Variants in DPP8 observed in about 807,000 individuals in gnomAD.
The protein encoded by DPP8 is DPP VIII.
A neutral mutation model predicts 107.5 loss-of-function variants in DPP8; 31 were observed. That is an observed-to-expected ratio of 0.29 (90% confidence interval 0.22 to 0.39). DPP8 has a LOEUF of 0.39. DPP8 is among the 10% of genes least tolerant of loss of function. The probability of loss-of-function intolerance (pLI) is 1.00; values close to 1 mark genes in which losing one functional copy is unlikely to be tolerated. For missense variants in DPP8, 842 were observed against 1,076.1 expected, an observed-to-expected ratio of 0.78 and a Z score of 3.04; for synonymous variants, 381 against 356.6, an observed-to-expected ratio of 1.07 and a Z score of -0.77.
At chr15:65,450,875 T>A in intron 19 of DPP8, 124 bp downstream of exon 19, 1 of 628,456 alleles carries the variant, frequency 1.6e-6, no homozygotes, top group Non-Finnish European at 2.8e-6. Context: ...TGCCTCTTAC[T>A]TTAGTTCTCT....
At chr15:65,487,665 T>C (rs1042855175) in intron 7 of DPP8, 25 bp downstream of exon 7, 3 of 1,590,912 alleles carry the variant, frequency 1.9e-6, no homozygotes, top group Non-Finnish European at 8.5e-7. Context: ...AATGAGTGAA[T>C]ATAAATGCCA....
In DPP8 at chr15:65,499,369, A is replaced by C. The variant is rs1164815206; in HGVS notation, c.546+1237T>G. 2.6e-5 allele frequency among the ~76,000 whole-genome samples: 4 copies of C among 151,812 alleles called. No homozygotes were observed. In the East Asian group the frequency reaches 7.7e-4, roughly 29 times the overall value. ...TGCTTCAGCCTCCCGAGTAGCTAGG[A>C]CTACAGGTGCGCCTGCCTAATTTTT... is the stretch of plus-strand genomic sequence containing the variant. On this transcript the variant is annotated intron_variant, in intron 4 of 19. Coordinates refer to ENST00000300141, the MANE Select transcript of DPP8 (RefSeq NM_130434.5).
intron 8 of DPP8, among the ~76,000 whole-genome samples, chr15:65,482,404 C>G (rs1441372947): frequency 6.6e-6 from 1 of 152,012 alleles, no homozygotes; most frequent in Non-Finnish European, 1.5e-5. Flanking sequence ...GCCTCAGCCT[C>G]CCGAGTAGCT....
Position 65,446,823 on chromosome 15 carries a change from T to G in DPP8, c.*61A>C. Reference sequence around the variant, plus strand: ...TGATCAATTCTGTGTTTTCTGTTGATTAAACCTCCTCATTTGGTTAAATAG... The same window carrying G: ...TGATCAATTCTGTGTTTTCTGTTGAGTAAACCTCCTCATTTGGTTAAATAG... On this transcript the variant is annotated 3_prime_UTR_variant, in exon 20 of 20. Transcript: ENST00000300141. 2.0e-6 allele frequency: 3 copies of G among 1,500,576 alleles called. No homozygotes were observed. Among genetic ancestry groups the G allele is most frequent in the Non-Finnish European group, 2.7e-6 (3 of 1,116,382 alleles). 93.0% of individuals were successfully genotyped at this position (1,500,576 alleles called of 1,614,324 possible).
chr15:65,514,554 G>C (rs1440531407), intron 1 of DPP8, among the ~76,000 whole-genome samples: 1 of 152,114 alleles, frequency 6.6e-6, no homozygotes, highest in Non-Finnish European at 1.5e-5. Context: ...TGTCACCCAG[G>C]GTAGAGTGCA....
chr15:65,516,187 TA>T (rs1236506090), intron 1 of DPP8: 2 of 166,878 alleles, frequency 1.2e-5, no homozygotes, highest in African/African-American at 4.7e-5. Context: ...CTCTTTTACA[TA>T]ATAATGTCAT....
At chr15:65,485,544 C>CAAA (rs56940292) in intron 7 of DPP8, among the ~76,000 whole-genome samples, 2 of 61,232 alleles carry the variant, frequency 3.3e-5, no homozygotes, top group Non-Finnish European at 6.7e-5. Flanking sequence ...GACTCCATCT[C>CAAA]AAAAAAAAAA....
rs1365744773 is a variant in DPP8 at position 65,444,380 on chromosome 15, G to A, written c.*2504C>T. ...ACACATTTATCAAGTCTTTAAAAAC[G>A]TAGTATGATATTTAACCTAGTGCTT... On this transcript the variant is annotated 3_prime_UTR_variant, in exon 20 of 20. Transcript: ENST00000300141. 5.9e-5 allele frequency: 9 copies of A among 152,148 alleles called. 1 individual carries two copies. In the East Asian group the frequency reaches 1.4e-3, roughly 23 times the overall value. The allele number at this position is 152,148 out of a possible 1,614,324, so 9.4% of individuals were successfully genotyped here.
At position 65,506,003 on chromosome 15, in the gene DPP8, A is replaced by G. The variant is rs143324709; in HGVS notation, c.372+1240T>C. Among the ~76,000 whole-genome samples, 3 of 148,566 alleles carry G rather than the reference A, an allele frequency of 2.0e-5. No individual in the cohort carries two copies. In the East Asian group the frequency reaches 5.9e-4, roughly 29 times the overall value. ...TAAAAGTTTTTTTTTTTTAATTTCT[A>G]TGAGAAACAGCACATTCATGTTATT... On this transcript the variant is annotated intron_variant, in intron 3 of 19. Coordinates refer to ENST00000300141, the MANE Select transcript of DPP8 (RefSeq NM_130434.5).
intron 12 of DPP8, among the ~76,000 whole-genome samples, chr15:65,467,849 G>C (rs775995548): frequency 6.6e-6 from 1 of 152,144 alleles, no homozygotes; most frequent in Non-Finnish European, 1.5e-5. Flanking sequence ...CTATATTGCA[G>C]CTTAGGGCAA....
intron 1 of DPP8, among the ~76,000 whole-genome samples, chr15:65,514,153 GAA>G (rs1156681561): frequency 1.3e-5 from 2 of 152,218 alleles, no homozygotes; most frequent in Non-Finnish European, 2.9e-5. Flanking sequence ...GCATGCCAAA[GAA>G]CTGAATGAAG....
chr15:65,506,112 A>C (rs1253036343), intron 3 of DPP8, among the ~76,000 whole-genome samples: 1 of 150,790 alleles, frequency 6.6e-6, no homozygotes. Flanking sequence ...CAGGCAGATC[A>C]CGAGGTCAGG....
intron 19 of DPP8, among the ~76,000 whole-genome samples, chr15:65,449,376 G>C (rs2063799536): frequency 6.6e-6 from 1 of 151,030 alleles, no homozygotes; most frequent in Admixed American, 6.6e-5. Flanking sequence ...TCAAAGAATA[G>C]TATTTACAAT....
intron 8 of DPP8, 72 bp from the exon 9 acceptor site, chr15:65,481,687 TAAC>T: frequency 1.1e-6 from 1 of 929,750 alleles, no homozygotes; most frequent in East Asian, 3.0e-5. Flanking sequence ...TAGTCTACTT[TAAC>T]AATTTATCCA....
intron 19 of DPP8, among the ~76,000 whole-genome samples, chr15:65,449,452 C>T (rs183571612): frequency 1.0e-3 from 155 of 151,826 alleles, no homozygotes; most frequent in African/African-American, 3.5e-3. Context: ...CTCTGTCACC[C>T]AGGCTGGAGT....
intron 5 of DPP8, among the ~76,000 whole-genome samples, chr15:65,491,770 T>C (rs893360047): frequency 2.6e-5 from 4 of 152,198 alleles, no homozygotes; most frequent in Admixed American, 6.5e-5. Context: ...TCTCGCTCTG[T>C]TGCCCAAACT....
intron 5 of DPP8, among the ~76,000 whole-genome samples, chr15:65,492,014 G>A (rs2068083871): frequency 6.6e-6 from 1 of 151,450 alleles, no homozygotes; most frequent in Non-Finnish European, 1.5e-5. Context: ...TTACAGGCGT[G>A]AGCCACCACG....
chr15:65,472,670 C>T (rs2065997141), intron 12 of DPP8, among the ~76,000 whole-genome samples: 1 of 152,072 alleles, frequency 6.6e-6, no homozygotes, highest in Non-Finnish European at 1.5e-5. Context: ...AAACCATATG[C>T]TAACTTACAA....
chr15:65,470,195 CAAAAAAA>C (rs11310623), intron 12 of DPP8, among the ~76,000 whole-genome samples: 29 of 58,502 alleles, frequency 5.0e-4, no homozygotes, highest in South Asian at 8.2e-4. Flanking sequence ...ACTCTTGTCT[CAAAAAAA>C]AAAAAAAAAA....
Sources: allele counts gnomAD v4.1 joint callset (sites outside exome capture counted in the v4.1 genomes callset), GRCh38; gene constraint gnomAD v4.1.1; transcripts MANE v1.5; gene names NCBI Gene and HGNC (gene_info 2026-07-23, HGNC 2026-07-21).